The following TEN1 variants were observed in gnomAD, a reference collection of about 807,000 sequenced individuals.
TEN1 encodes TEN1 subunit of CST complex.
In TEN1, 6 loss-of-function variants were observed where a neutral mutation model predicts 9.3. That is an observed-to-expected ratio of 0.65 (90% CI 0.35 to 1.27). TEN1 has a LOEUF of 1.27. Ranked by LOEUF, TEN1 falls within the 50% of genes most tolerant of loss-of-function variation. The pLI, the probability that TEN1 is intolerant of heterozygous loss-of-function variation, is 0.03. For synonymous variants in TEN1, 65 were observed against 65.6 expected (o/e 0.99, Z 0.04); for missense variants, 149 against 158.2 (o/e 0.94, Z 0.31).
intron 1 of TEN1, among the ~76,000 whole-genome samples, chr17:75,981,053 G>C (rs1369533072): frequency 6.6e-6 from 1 of 152,158 alleles, no homozygotes; most frequent in African/African-American, 2.4e-5. Context: ...ACAATGATAA[G>C]GGGTGTACTT....
At chr17:75,994,762 C>T in intron 3 of TEN1, among the ~76,000 whole-genome samples, 1 of 152,130 alleles carries the variant, frequency 6.6e-6, no homozygotes, top group East Asian at 1.9e-4. Context: ...AAGCGTGAGC[C>T]ACCGCGCCCG....
In TEN1 at chr17:75,979,289, G is replaced by A. The variant is rs2066094028; in HGVS notation, c.-229G>A. 1 of 670,046 alleles carries A rather than the reference G, an allele frequency of 1.5e-6. No individual in the cohort carries two copies. The highest frequency in any genetic ancestry group is 1.8e-5 in the African/African-American group (1 of 56,102). The allele number at this position is 670,046 out of a possible 1,614,324, so 41.5% of individuals were successfully genotyped here. The stretch of plus-strand genomic sequence containing the variant: ...CCCAGACAGAGGGGGCGATGTCCGC[G>A]TCGTGGCTGGGGCCGGTCGCGGGGC... On this transcript the variant is annotated 5_prime_UTR_variant, in exon 1 of 4. Coordinates refer to ENST00000397640, the MANE Select transcript of TEN1 (RefSeq NM_001113324.3).
At chr17:75,992,565 T>C (rs909439681) in intron 3 of TEN1, among the ~76,000 whole-genome samples, 16 of 151,870 alleles carry the variant, frequency 1.1e-4, no homozygotes, top group Non-Finnish European at 2.4e-4. Context: ...CAGGCTGGAG[T>C]GCAGTGGCGC....
intron 1 of TEN1, among the ~76,000 whole-genome samples, chr17:75,983,341 C>G (rs1489838255): frequency 6.6e-6 from 1 of 152,118 alleles, no homozygotes; most frequent in Non-Finnish European, 1.5e-5. Context: ...ATTCCTCCCT[C>G]GGTGAGAATT....
chr17:75,979,585 T>G, intron 1 of TEN1, 74 bp downstream of exon 1: 1 of 230,896 alleles, frequency 4.3e-6, no homozygotes, highest in Non-Finnish European at 8.8e-6. Context: ...GCCCCCCTCT[T>G]ACCCCGCGGC....
At chr17:75,987,005 G>A (rs140189772) in intron 2 of TEN1, among the ~76,000 whole-genome samples, 5 of 152,002 alleles carry the variant, frequency 3.3e-5, no homozygotes, top group Non-Finnish European at 5.9e-5. Context: ...TTAGTTTTTC[G>A]TAGAGACAGG....
At position 75,994,615 on chromosome 17, in the gene TEN1, T is replaced by C. The variant is rs551391120; in HGVS notation, c.250+2992T>C. Among the ~76,000 whole-genome samples, 37 of 151,530 alleles carry C rather than the reference T, an allele frequency of 2.4e-4. No individual in the cohort carries two copies. The East Asian group carries it at 7.0e-3, about 29-fold the overall frequency. On this transcript the variant is annotated intron_variant, in intron 3 of 3. Transcript: ENST00000397640. ...GCCTTGGCCTCCTGAGTAGCTGGGA[T>C]TACAGGCGCCTGCCACTGTGCCTGG...
At chr17:75,999,667 C>A (rs1321407388) in intron 3 of TEN1, among the ~76,000 whole-genome samples, 3 of 152,050 alleles carry the variant, frequency 2.0e-5, no homozygotes, top group Admixed American at 2.0e-4. Context: ...TTTAAAAAGT[C>A]TCTCGGAGAT....
intron 1 of TEN1, among the ~76,000 whole-genome samples, chr17:75,983,825 C>T (rs909553463): frequency 1.3e-5 from 2 of 151,936 alleles, no homozygotes; most frequent in Admixed American, 6.6e-5. Context: ...CTGAGGGGGG[C>T]CGCAGGAGTG....
In TEN1 at chr17:75,979,526, T is replaced by C. The variant is rs1474009665; in HGVS notation, c.-7+15T>C. 1 of 301,732 alleles carries C rather than the reference T, an allele frequency of 3.3e-6. No individual in the cohort carries two copies. The highest frequency in any genetic ancestry group is 9.9e-5 in the East Asian group (1 of 10,126). The allele number at this position is 301,732 out of a possible 1,614,324, so 18.7% of individuals were successfully genotyped here. A position where few individuals can be genotyped will look rare whatever the true frequency, so the allele number is the denominator to read the frequency against. On this transcript the variant is annotated intron_variant, in intron 1 of 3. Transcript: ENST00000397640. ...GCCTAGAACAGGTTGGCTGGGGCCT[T>C]GGGAAGGGGGCGGGACAACGAGGCT...
intron 2 of TEN1, among the ~76,000 whole-genome samples, chr17:75,988,509 C>T (rs2066165348): frequency 1.4e-5 from 2 of 141,398 alleles, no homozygotes; most frequent in African/African-American, 2.7e-5. Context: ...CTGCAGTGAG[C>T]CGAGACTGCA....
chr17:75,987,692 G>A (rs545113590), intron 2 of TEN1, among the ~76,000 whole-genome samples: 17 of 151,494 alleles, frequency 1.1e-4, no homozygotes, highest in African/African-American at 3.4e-4. Context: ...CGAGGCAGGC[G>A]GATCACCTGA....
chr17:75,982,826 T>G (rs2066129629), intron 1 of TEN1, among the ~76,000 whole-genome samples: 1 of 151,852 alleles, frequency 6.6e-6, no homozygotes. Flanking sequence ...TTCTGCTGCC[T>G]TAGCCTTCCC....
intron 2 of TEN1, among the ~76,000 whole-genome samples, chr17:75,990,995 C>T (rs1355905856): frequency 6.7e-6 from 1 of 150,218 alleles, no homozygotes; most frequent in Non-Finnish European, 1.5e-5. Context: ...ACTAAAAATA[C>T]AAAAATTAGC....
intron 2 of TEN1, among the ~76,000 whole-genome samples, chr17:75,987,393 A>G (rs1406630298): frequency 6.6e-6 from 1 of 152,234 alleles, no homozygotes; most frequent in African/African-American, 2.4e-5. Flanking sequence ...GAGGGTCCTC[A>G]TAACACAGCA....
rs1358892195 is a variant in TEN1, at chr17:75,991,602, G to A, written c.229G>A (p.Gly77Arg). The A allele has an allele frequency of 1.8e-5, 28 of 1,551,558 alleles. No homozygotes were observed. Among genetic ancestry groups the A allele is most frequent in the Non-Finnish European group, 2.3e-5 (26 of 1,146,974 alleles). Residue 77 changes from glycine (G) to arginine (R), a missense_variant, in exon 3 of 4, where the codon GGG (glycine) becomes AGG (arginine). Transcript: ENST00000397640. ...AQVGSLYIVLGELQHQQDRGS... is the reference protein window; with the variant it reads ...AQVGSLYIVLRELQHQQDRGS... ...GGTGGGCTCCCTGTACATCGTCCTCGGGGAGCTCCAGCATCAGCAGGGTGA... is the reference window on the plus strand; with the variant it reads ...GGTGGGCTCCCTGTACATCGTCCTCAGGGAGCTCCAGCATCAGCAGGGTGA...
intron 2 of TEN1, among the ~76,000 whole-genome samples, chr17:75,989,097 C>CTTTTCTTT (rs1598212976): frequency 6.7e-6 from 1 of 148,714 alleles, no homozygotes; most frequent in African/African-American, 2.5e-5. Context: ...TATTGATTTT[C>CTTTTCTTT]TTTTCTTTTT....
chr17:75,994,245 A>T (rs1289292173), intron 3 of TEN1, among the ~76,000 whole-genome samples: 1 of 150,634 alleles, frequency 6.6e-6, no homozygotes, highest in Non-Finnish European at 1.5e-5. Context: ...GACCAGCCTG[A>T]CCAACATGGA....
Position 76,000,448 on chromosome 17 carries a change from A to G in TEN1, c.*186A>G, listed in dbSNP as rs930729206. On this transcript the variant is annotated 3_prime_UTR_variant, in exon 4 of 4. Transcript: ENST00000397640. The surrounding 1 kb of genome is among the most constrained non-coding windows in gnomAD (Gnocchi z 5.9). ...TTGGCTCAGCAATGAGAACCCAGAA[A>G]GCATGCCATAAATCCGACAGCCCCA... 3 of 910,022 alleles carry G rather than the reference A, an allele frequency of 3.3e-6. No individual in the cohort carries two copies. The Admixed American group carries it at 9.1e-5, about 28-fold the overall frequency. 56.4% of individuals were successfully genotyped at this position (910,022 alleles called of 1,614,324 possible).
Sources: allele counts gnomAD v4.1 joint callset (sites outside exome capture counted in the v4.1 genomes callset), GRCh38; gene constraint gnomAD v4.1.1; non-coding constraint Gnocchi (gnomAD v3.1); transcripts MANE v1.5; gene names NCBI Gene and HGNC (gene_info 2026-07-23, HGNC 2026-07-21).